Variants in PTPN12 observed in about 807,000 individuals in gnomAD.
PTPN12 encodes tyrosine-protein phosphatase non-receptor type 12.
Under a neutral mutation model 97.6 loss-of-function variants are expected in PTPN12, and 29 were observed. The ratio of observed to expected loss-of-function variants is 0.30; its 90% CI spans 0.22 to 0.41. The LOEUF (loss-of-function observed/expected upper bound fraction) is 0.41. PTPN12 is among the 10% of genes least tolerant of loss of function. The probability of loss-of-function intolerance (pLI) is 1.00; values close to 1 mark genes in which losing one functional copy is unlikely to be tolerated. For synonymous variants in PTPN12, 327 were observed against 300.4 expected, an observed-to-expected ratio of 1.09 and a Z score of -0.91; for missense variants, 819 against 926.0, an observed-to-expected ratio of 0.88 and a Z score of 1.50.
chr7:77,539,372 T>C (rs1206669601), intron 1 of PTPN12, among the ~76,000 whole-genome samples: 1 of 152,202 alleles, frequency 6.6e-6, no homozygotes, highest in African/African-American at 2.4e-5. Flanking sequence ...TATTTAAACA[T>C]TTGCTCTTGA....
chr7:77,537,533 G>C lies in PTPN12; in HGVS notation c.-14G>C, dbSNP rs760435141. On this transcript the variant is annotated 5_prime_UTR_variant, in exon 1 of 18. Coordinates refer to ENST00000248594, the MANE Select transcript of PTPN12 (RefSeq NM_002835.4). ...CGGGGGGGCCAGCGACCGCAGCCGG[G>C]GGGACGCGGGAGGATGGAGCAAGTG... The C allele has an allele frequency of 2.5e-6, 4 of 1,585,084 alleles. No homozygotes were observed. Among genetic ancestry groups the C allele is most frequent in the Non-Finnish European group, 3.4e-6 (4 of 1,167,862 alleles).
At chr7:77,609,033 A>G (rs2151374429) in intron 9 of PTPN12, among the ~76,000 whole-genome samples, 1 of 152,220 alleles carries the variant, frequency 6.6e-6, no homozygotes, top group East Asian at 1.9e-4. Context: ...CAACCTGGCC[A>G]ACATGGTGAA....
intron 12 of PTPN12, among the ~76,000 whole-genome samples, chr7:77,623,490 C>G (rs1234720748): frequency 6.6e-6 from 1 of 152,136 alleles, no homozygotes; most frequent in African/African-American, 2.4e-5. Flanking sequence ...GAGGGCGGAT[C>G]ACTTGACGTT....
chr7:77,569,287 A>G (rs1297177120), intron 1 of PTPN12, among the ~76,000 whole-genome samples: 1 of 152,186 alleles, frequency 6.6e-6, no homozygotes, highest in African/African-American at 2.4e-5. Flanking sequence ...TGTGTATATA[A>G]TGTACACTAT....
At chr7:77,593,233 C>A (rs963857936) in intron 6 of PTPN12, among the ~76,000 whole-genome samples, 3 of 149,958 alleles carry the variant, frequency 2.0e-5, no homozygotes, top group African/African-American at 7.4e-5. Flanking sequence ...TGCACCACTG[C>A]ACTCCAGTCT....
chr7:77,548,869 A>G (rs986896769), intron 1 of PTPN12, among the ~76,000 whole-genome samples: 4 of 152,124 alleles, frequency 2.6e-5, no homozygotes, highest in African/African-American at 7.2e-5. Flanking sequence ...TTGTCTTTCT[A>G]TGGTTTTCAA....
chr7:77,610,662 C>A, intron 9 of PTPN12, 103 bp from the exon 10 acceptor site: 1 of 1,182,564 alleles, frequency 8.5e-7, no homozygotes, highest in Non-Finnish European at 1.2e-6. Flanking sequence ...TAAATGTTTG[C>A]AGTAAACCAG....
chr7:77,603,262 G>T (rs1293314076), intron 8 of PTPN12, among the ~76,000 whole-genome samples: 1 of 152,146 alleles, frequency 6.6e-6, no homozygotes, highest in Non-Finnish European at 1.5e-5. Flanking sequence ...ATAATTTCCT[G>T]TTCAATCATA....
rs1584234239 is a variant in PTPN12 at position 77,638,829 on chromosome 7, A to T, written c.2281+98A>T. 2.1e-6 allele frequency: 3 copies of T among 1,444,562 alleles called. No individual in the cohort carries two copies. In the East Asian group the frequency reaches 7.7e-5, roughly 37 times the overall value. The allele number at this position is 1,444,562 out of a possible 1,614,324, so 89.5% of individuals were successfully genotyped here. ...GTGAAATGACACTTGCCAAGAATAA[A>T]ACATGATTTTCCAAAGTTGCTTGGA... On this transcript the variant is annotated intron_variant, in intron 17 of 17. Transcript: ENST00000248594.
chr7:77,558,917 G>A (rs1453438835), intron 1 of PTPN12, among the ~76,000 whole-genome samples: 1 of 152,156 alleles, frequency 6.6e-6, no homozygotes, highest in Non-Finnish European at 1.5e-5. Context: ...GGGAAGCTGA[G>A]GCAGGCAGAT....
At chr7:77,587,935 T>G (rs1787744828) in intron 5 of PTPN12, among the ~76,000 whole-genome samples, 1 of 152,222 alleles carries the variant, frequency 6.6e-6, no homozygotes, top group African/African-American at 2.4e-5. Context: ...CTTCTGCAGC[T>G]TCCTCACACT....
chr7:77,632,035 A>G (rs560241034), intron 13 of PTPN12, among the ~76,000 whole-genome samples: 1 of 152,358 alleles, frequency 6.6e-6, no homozygotes, highest in East Asian at 1.9e-4. Context: ...ACAAAACATC[A>G]TCAGTAAGCT....
intron 5 of PTPN12, among the ~76,000 whole-genome samples, chr7:77,586,393 A>G (rs1787692261): frequency 6.6e-6 from 1 of 152,156 alleles, no homozygotes; most frequent in South Asian, 2.1e-4. Flanking sequence ...GGTATTTGCT[A>G]AAGGTTGGGG....
chr7:77,537,599 A>C lies in PTPN12; in HGVS notation c.53A>C (p.Lys18Thr). 1 of 1,606,522 alleles carries C rather than the reference A, an allele frequency of 6.2e-7. No homozygotes were observed. Among genetic ancestry groups the C allele is most frequent in the Non-Finnish European group, 8.5e-7 (1 of 1,177,138 alleles). Residue 18 changes from lysine (K) to threonine (T), a missense_variant, in exon 1 of 18, where the codon AAG becomes ACG. By Grantham distance (78) the Lys-to-Thr change is moderately conservative (BLOSUM62 -1). Coordinates refer to ENST00000248594, the MANE Select transcript of PTPN12 (RefSeq NM_002835.4). ...RKFIQRVQAM[K>T]SPDHNGEDNF... ...TTCATCCAGAGGGTCCAGGCCATGAAGAGTCCTGACCACAATGGGGAGGAC... is the reference window on the plus strand; with the variant it reads ...TTCATCCAGAGGGTCCAGGCCATGACGAGTCCTGACCACAATGGGGAGGAC...
At chr7:77,616,331 C>T (rs1788749990) in intron 11 of PTPN12, among the ~76,000 whole-genome samples, 1 of 152,062 alleles carries the variant, frequency 6.6e-6, no homozygotes, top group African/African-American at 2.4e-5. Context: ...GATTATGCCA[C>T]TTTGGGGCTG....
At chr7:77,600,972 C>A in intron 8 of PTPN12, 166 bp downstream of exon 8, 1 of 585,640 alleles carries the variant, frequency 1.7e-6, no homozygotes, top group Non-Finnish European at 2.9e-6. Flanking sequence ...GGTTGACAGA[C>A]CGTTTAGAGT....
chr7:77,599,303 C>CA, intron 7 of PTPN12, among the ~76,000 whole-genome samples: 1 of 146,734 alleles, frequency 6.8e-6, no homozygotes, highest in Non-Finnish European at 1.5e-5. Context: ...TTGAAACCCC[C>CA]CACAGCGCCC....
At chr7:77,581,381 T>C (rs1242061787) in intron 2 of PTPN12, 46 bp from the exon 3 acceptor site, 3 of 1,280,092 alleles carry the variant, frequency 2.3e-6, no homozygotes, top group South Asian at 2.5e-5. Context: ...CATTAGAAAA[T>C]ACCTGTGTGT....
chr7:77,581,873 G>A (rs555607720), intron 3 of PTPN12, among the ~76,000 whole-genome samples: 3 of 152,138 alleles, frequency 2.0e-5, no homozygotes, highest in African/African-American at 7.2e-5. Context: ...TAATATTGCA[G>A]TAAACATCTT....
Sources: gnomAD v4.1 joint callset for allele counts (sites outside exome capture counted in the v4.1 genomes callset) on GRCh38, gnomAD v4.1.1 for gene constraint, MANE v1.5 for transcripts, NCBI Gene and HGNC (gene_info 2026-07-23, HGNC 2026-07-21) for gene names.